Variants in FGA observed in about 807,000 individuals in gnomAD.
The protein encoded by FGA is fibrinogen, A alpha polypeptide.
A neutral mutation model predicts 20.3 loss-of-function variants in FGA; 20 were observed. The observed-to-expected ratio is 0.99, with a 90% CI of 0.69 to 1.43. FGA has a LOEUF of 1.43. Among genes scored for constraint, FGA ranks in the 40% most tolerant of loss-of-function variants. FGA has a pLI of 0.00. For synonymous variants in FGA, 306 were observed against 281.6 expected, an observed-to-expected ratio of 1.09 and a Z score of -0.87; for missense variants, 777 against 784.7, an observed-to-expected ratio of 0.99 and a Z score of 0.12.
chr4:154,583,937 A>G (rs868456818), downstream of FGA: 9 of 607,210 alleles, frequency 1.5e-5, no homozygotes, highest in Admixed American at 1.2e-4. Flanking sequence ...GATAAAAAAA[A>G]CCTTACATAA....
Position 154,587,495 on chromosome 4 carries a change from C to T in FGA, c.510+17G>A, listed in dbSNP as rs1171944043. On this transcript the variant is annotated intron_variant, in intron 4 of 4. Transcript: ENST00000403106. Reference sequence around the variant, plus strand: ...ACTCAGAAACAAGGACATCTGGGACCACAGCCACATACTTACCTCCAGTCG... The same window carrying T: ...ACTCAGAAACAAGGACATCTGGGACTACAGCCACATACTTACCTCCAGTCG... 1.2e-6 allele frequency: 2 copies of T among 1,613,192 alleles called. No homozygotes were observed. The highest frequency in any genetic ancestry group is 2.2e-5 in the East Asian group (1 of 44,832).
rs369292888 is a variant in FGA at position 154,588,940 on chromosome 4, A to G, written c.217T>C (p.Leu73=). The G allele has an allele frequency of 1.1e-5, 17 of 1,613,654 alleles. No homozygotes were observed. The highest frequency in any genetic ancestry group is 1.4e-5 in the Non-Finnish European group (17 of 1,179,832). Residue 73 remains leucine (L), a synonymous_variant, in exon 3 of 5, where the codon TTG becomes CTG. Coordinates refer to ENST00000403106, the MANE Select transcript of FGA (RefSeq NM_021871.4). ...KCPSGCRMKG[L]IDEVNQDFTN... is the part of the protein sequence containing the mutation. ...AAATCTTGATTGACTTCATCAATCA[A>G]CCCTTTCATCCTGCAGCCAGAAGGG...
rs1362818862 is a variant in FGA at position 154,588,831 on chromosome 4, A to G, written c.326T>C (p.Ile109Thr). Residue 109 changes from isoleucine to threonine, a missense_variant, in exon 3 of 5, where the codon ATA becomes ACA. Coordinates refer to ENST00000403106, the MANE Select transcript of FGA (RefSeq NM_021871.4). ...NKDSHSLTTNIMEILRGDFSS... is the reference protein window; with the variant it reads ...NKDSHSLTTNTMEILRGDFSS... ...AAAATCGCCTCTCAAAATTTCCATT[A>G]TATTAGTGGTCAACGAATGAGAATC... The G allele has an allele frequency of 1.2e-6, 2 of 1,611,974 alleles. No individual in the cohort carries two copies. The highest frequency in any genetic ancestry group is 1.7e-6 in the Non-Finnish European group (2 of 1,179,070).
intron 3 of FGA, among the ~76,000 whole-genome samples, 163 bp downstream of exon 3, chr4:154,588,630 A>G (rs976688329): frequency 6.6e-6 from 1 of 152,188 alleles, no homozygotes; most frequent in African/African-American, 2.4e-5. Flanking sequence ...AATAACGAAA[A>G]CAAAAGCTCC....
chr4:154,590,645 C>T lies in FGA; in HGVS notation c.43G>A (p.Gly15Ser), dbSNP rs1344747671. 1.9e-6 allele frequency: 3 copies of T among 1,557,922 alleles called. No individual in the cohort carries two copies. The African/African-American group carries it at 4.1e-5, about 21-fold the overall frequency. The change falls in exon 1 of 5, where the codon GGC becomes AGC. Residue 15 changes from glycine (G) to serine (S), a missense_variant. Physicochemically the swap from Gly to Ser is moderately conservative, Grantham distance 56 (BLOSUM62 0). Coordinates refer to ENST00000403106, the MANE Select transcript of FGA (RefSeq NM_021871.4). ...GAAAAGGGCCATACCCATGCTGTGC[C>T]CACCACACTTAGGACCAGGCAGACG... is the stretch of plus-strand genomic sequence containing the variant. ...RIVCLVLSVV[G>S]TAWTADSGEG...
At position 154,589,464 on chromosome 4, in the gene FGA, G is replaced by A. The variant is rs143369046; in HGVS notation, c.153C>T (p.Asp51=). ...ERHQSACKDS[D]WPFCSDEDWN... is the part of the protein sequence containing the mutation. The stretch of plus-strand genomic sequence containing the variant: ...AGTCTTCATCAGAGCAGAAGGGCCA[G>A]TCTGAATCTTTGCAGGCAGATTGAT... The change falls in exon 2 of 5, where the codon GAC becomes GAT. Residue 51 remains aspartate (D), a synonymous_variant. Coordinates refer to ENST00000403106, the MANE Select transcript of FGA (RefSeq NM_021871.4). 33 of 1,613,994 alleles carry A rather than the reference G, an allele frequency of 2.0e-5. No individual in the cohort carries two copies. The highest frequency in any genetic ancestry group is 2.8e-5 in the Non-Finnish European group (33 of 1,180,024).
At position 154,586,061 on chromosome 4, in the gene FGA, G is replaced by A. The variant is rs1341649771; in HGVS notation, c.1368C>T (p.Thr456=). Residue 456 remains threonine (T), a synonymous_variant, in exon 5 of 5, where the codon ACC becomes ACT. Coordinates refer to ENST00000403106, the MANE Select transcript of FGA (RefSeq NM_021871.4). ...CGGTTTTAGAGCATGAACGACGCGT[G>A]GTGGTTGTGCTACCAGAGGTGACCT... ...KEKVTSGSTT[T]TRRSCSKTVT... The A allele has an allele frequency of 6.2e-7, 1 of 1,614,024 alleles. No individual in the cohort carries two copies. Among genetic ancestry groups the A allele is most frequent in the Non-Finnish European group, 8.5e-7 (1 of 1,180,024 alleles).
chr4:154,585,306 G>T lies in FGA; in HGVS notation c.*188C>A. The T allele has an allele frequency of 1.6e-6, 2 of 1,266,318 alleles. No individual in the cohort carries two copies. The highest frequency in any genetic ancestry group is 2.1e-6 in the Non-Finnish European group (2 of 949,404). The allele number at this position is 1,266,318 out of a possible 1,614,324, so 78.4% of individuals were successfully genotyped here. On this transcript the variant is annotated 3_prime_UTR_variant, in exon 5 of 5. Transcript: ENST00000403106. ...CATCCATTTAACATGTATTTATTGAGTCATGGCTCTGTACTGTTAGGCATT... is the reference window on the plus strand; with the variant it reads ...CATCCATTTAACATGTATTTATTGATTCATGGCTCTGTACTGTTAGGCATT...
Position 154,585,461 on chromosome 4 carries a change from A to C in FGA, c.*33T>G. On this transcript the variant is annotated 3_prime_UTR_variant, in exon 5 of 5. Transcript: ENST00000403106. The stretch of plus-strand genomic sequence containing the variant: ...AGTTAAGAAGGAAATGCAAGGGGCC[A>C]TGGGAACACTGTGCAGAAATATTTA... The C allele has an allele frequency of 7.1e-7, 1 of 1,410,938 alleles. No individual in the cohort carries two copies. The highest frequency in any genetic ancestry group is 1.2e-5 in the South Asian group (1 of 86,212). 87.4% of individuals were successfully genotyped at this position (1,410,938 alleles called of 1,614,324 possible). A position where few individuals can be genotyped will look rare whatever the true frequency, so the allele number is the denominator to read the frequency against.
At position 154,587,540 on chromosome 4, in the gene FGA, G is replaced by T. The variant is rs540438738; in HGVS notation, c.482C>A (p.Ala161Asp). Reference sequence around the variant, plus strand: ...CAGTCGTTTCATATCAACCAACTGAGCTCTAACATTTTTCTGCAGAAGCTG... The same window carrying T: ...CAGTCGTTTCATATCAACCAACTGATCTCTAACATTTTTCTGCAGAAGCTG... ...HIQLLQKNVR[A>D]QLVDMKRLEV... is the part of the protein sequence containing the mutation. Residue 161 changes from alanine to aspartate, a missense_variant, in exon 4 of 5, where the codon GCT becomes GAT. Coordinates refer to ENST00000403106, the MANE Select transcript of FGA (RefSeq NM_021871.4). The T allele has an allele frequency of 8.5e-5, 137 of 1,613,860 alleles. 1 individual carries two copies. The South Asian group carries it at 1.5e-3, about 17-fold the overall frequency.
At chr4:154,586,991 T>C (rs111231630) in intron 4 of FGA, 73 bp from the exon 5 acceptor site, 7 of 1,470,186 alleles carry the variant, frequency 4.8e-6, no homozygotes, top group African/African-American at 1.4e-5. Context: ...GAGTTCCTGG[T>C]AGTTAATTTT....
Position 154,586,196 on chromosome 4 carries a change from G to A in FGA, c.1233C>T (p.Gly411=). 1.9e-6 allele frequency: 3 copies of A among 1,614,060 alleles called. No individual in the cohort carries two copies. Among genetic ancestry groups the A allele is most frequent in the Non-Finnish European group, 2.5e-6 (3 of 1,180,008 alleles). Residue 411 remains glycine (G), a synonymous_variant, in exon 5 of 5, where the codon GGC becomes GGT. Coordinates refer to ENST00000403106, the MANE Select transcript of FGA (RefSeq NM_021871.4). ...GNARPNNPDW[G]TFEEVSGNVS... ...CATTTCCTGACACCTCTTCAAATGT[G>A]CCCCAGTCTGGGTTGTTAGGCCTCG...
Position 154,586,690 on chromosome 4 carries a change from C to T in FGA, c.739G>A (p.Glu247Lys). 6.2e-7 allele frequency: 1 copy of T among 1,614,210 alleles called. No individual in the cohort carries two copies. The highest frequency in any genetic ancestry group is 8.5e-7 in the Non-Finnish European group (1 of 1,180,026). ...GGCATGTCTGTTAATGCCTTCCACT[C>T]TGGGGGTACCTTCTGAAGCTGGCTC... Reference protein sequence around the residue: ...FKSQLQKVPPEWKALTDMPQM... With the variant: ...FKSQLQKVPPKWKALTDMPQM... The change falls in exon 5 of 5, where the codon GAG (glutamate) becomes AAG (lysine). Residue 247 changes from glutamate (E) to lysine (K), a missense_variant. By Grantham distance (56) the Glu-to-Lys change is moderately conservative. Coordinates refer to ENST00000403106, the MANE Select transcript of FGA (RefSeq NM_021871.4).
At position 154,585,655 on chromosome 4, in the gene FGA, C is replaced by T; in HGVS notation, c.1774G>A (p.Gly592Arg). 1 of 1,614,150 alleles carries T rather than the reference C, an allele frequency of 6.2e-7. No individual in the cohort carries two copies. The highest frequency in any genetic ancestry group is 8.5e-7 in the Non-Finnish European group (1 of 1,180,024). ...CTCTTGCTTTCAAATGTGGAGTCTC[C>T]TCTGTTGTAACTCGTGCTACTAGTA... ...QFTSSTSYNRGDSTFESKSYK... is the reference protein window; with the variant it reads ...QFTSSTSYNRRDSTFESKSYK... The change falls in exon 5 of 5, where the codon GGA becomes AGA. Residue 592 changes from glycine to arginine, a missense_variant. Transcript: ENST00000403106.
Position 154,589,484 on chromosome 4 carries a change from A to T in FGA, c.133T>A (p.Ser45Thr), listed in dbSNP as rs1395097897. The T allele has an allele frequency of 6.2e-7, 1 of 1,614,114 alleles. No individual in the cohort carries two copies. Among genetic ancestry groups the T allele is most frequent in the East Asian group, 2.2e-5 (1 of 44,886 alleles). ...GGCCAGTCTGAATCTTTGCAGGCAG[A>T]TTGATGTCTTTCCACAACCCTTGGG... Reference protein sequence around the residue: ...RGPRVVERHQSACKDSDWPFC... With the variant: ...RGPRVVERHQTACKDSDWPFC... The change falls in exon 2 of 5, where the codon TCT becomes ACT. Residue 45 changes from serine (S) to threonine (T), a missense_variant. Physicochemically the swap from Ser to Thr is moderately conservative, Grantham distance 58 (BLOSUM62 1). Transcript: ENST00000403106.
rs758609385 is a variant in FGA at position 154,587,512 on chromosome 4, C to T, written c.510G>A (p.Glu170=). The T allele has an allele frequency of 1.9e-6, 3 of 1,613,784 alleles. No individual in the cohort carries two copies. Among genetic ancestry groups the T allele is most frequent in the African/African-American group, 2.7e-5 (2 of 74,972 alleles). ...RAQLVDMKRL[E]VDIDIKIRSC... is the part of the protein sequence containing the mutation. ...TCTGGGACCACAGCCACATACTTAC[C>T]TCCAGTCGTTTCATATCAACCAACT... The change falls in exon 4 of 5, where the codon GAG becomes GAA. Residue 170 remains glutamate (E), a splice_region_variant and synonymous_variant. Coordinates refer to ENST00000403106, the MANE Select transcript of FGA (RefSeq NM_021871.4).
downstream of FGA, chr4:154,584,229 G>T (rs1380229162): frequency 6.2e-7 from 1 of 1,609,522 alleles, no homozygotes; most frequent in Admixed American, 1.7e-5. Flanking sequence ...CATAAGGACT[G>T]TTATTCCTTG....
At chr4:154,587,454 C>T (rs1730753911) in intron 4 of FGA, 58 bp downstream of exon 4, 1 of 1,494,784 alleles carries the variant, frequency 6.7e-7, no homozygotes, top group Non-Finnish European at 9.3e-7. Context: ...ATAACTATCG[C>T]CTTCCTTTTC....
Position 154,586,861 on chromosome 4 carries a change from G to A in FGA, c.568C>T (p.Arg190Cys), listed in dbSNP as rs1578796942. 1.2e-6 allele frequency: 2 copies of A among 1,613,950 alleles called. No homozygotes were observed. The highest frequency in any genetic ancestry group is 1.1e-5 in the South Asian group (1 of 91,060). ...TCATAGTCCTTCAGATCTACTTCAC[G>A]AGCTAAAGCCCTACTGCATGACCCT... ...CRGSCSRALA[R>C]EVDLKDYEDQ... The change falls in exon 5 of 5, where the codon CGT becomes TGT. Residue 190 changes from arginine (R) to cysteine (C), a missense_variant. By Grantham distance (180) the Arg-to-Cys change is radical. Coordinates refer to ENST00000403106, the MANE Select transcript of FGA (RefSeq NM_021871.4).
Sources: allele counts gnomAD v4.1 joint callset (sites outside exome capture counted in the v4.1 genomes callset), GRCh38; gene constraint gnomAD v4.1.1; transcripts MANE v1.5; gene names NCBI Gene and HGNC (gene_info 2026-07-23, HGNC 2026-07-21).